CHCHD3: variants seen among roughly 807,000 people sequenced by gnomAD.
The protein encoded by CHCHD3 is MICOS complex subunit MIC19.
In CHCHD3, 20 loss-of-function variants were observed where a neutral mutation model predicts 38.2. The ratio of observed to expected loss-of-function variants is 0.52; its 90% CI spans 0.37 to 0.76. CHCHD3 has a LOEUF of 0.76. CHCHD3 is among the 30% of genes least tolerant of loss of function. CHCHD3 has a pLI of 0.00. For synonymous variants in CHCHD3, 82 were observed against 100.0 expected, an observed-to-expected ratio of 0.82 and a Z score of 1.07; for missense variants, 245 against 279.2, an observed-to-expected ratio of 0.88 and a Z score of 0.87.
At chr7:132,950,895 T>C (rs1243290668) in intron 4 of CHCHD3, among the ~76,000 whole-genome samples, 1 of 152,180 alleles carries the variant, frequency 6.6e-6, no homozygotes, top group African/African-American at 2.4e-5. Flanking sequence ...GTAGAAATTA[T>C]TTTGAAAAGA....
chr7:133,008,425 G>GAAAAAAAAAAAAAAAAAAAAAAA (rs988855864), intron 3 of CHCHD3, among the ~76,000 whole-genome samples: 1 of 74,086 alleles, frequency 1.3e-5, no homozygotes. Flanking sequence ...ATGCAGAAAA[G>GAAAAAAAAAAAAAAAAAAAAAAA]AAAAAAAAAA....
At position 132,785,496 on chromosome 7, in the gene CHCHD3, G is replaced by A; in HGVS notation, c.*141C>T. 4 of 806,876 alleles carry A rather than the reference G, an allele frequency of 5.0e-6. No homozygotes were observed. The highest frequency in any genetic ancestry group is 3.2e-5 in the South Asian group (2 of 62,060). The allele number at this position is 806,876 out of a possible 1,614,324, so 50.0% of individuals were successfully genotyped here. ...GCTGTTCAAAACGTGAAATGATTCT[G>A]CTGAATCCATTCTTGATGTCTCTCT... On this transcript the variant is annotated 3_prime_UTR_variant, in exon 8 of 8. Transcript: ENST00000262570.
intron 3 of CHCHD3, among the ~76,000 whole-genome samples, chr7:132,990,681 C>G (rs1421306): frequency 1.3e-5 from 2 of 151,960 alleles, no homozygotes; most frequent in Non-Finnish European, 2.9e-5. Context: ...TTCTTTTTCA[C>G]AAGGGACACG....
At chr7:132,953,729 C>T (rs1245934466) in intron 4 of CHCHD3, among the ~76,000 whole-genome samples, 1 of 152,144 alleles carries the variant, frequency 6.6e-6, no homozygotes, top group Non-Finnish European at 1.5e-5. Flanking sequence ...TCTGCCTCTC[C>T]CACCCCAAGG....
intron 4 of CHCHD3, among the ~76,000 whole-genome samples, chr7:132,895,741 G>A (rs555268757): frequency 1.3e-5 from 2 of 152,254 alleles, no homozygotes; most frequent in East Asian, 1.9e-4. Flanking sequence ...TTTGCCTTCC[G>A]CCATGATTGT....
chr7:133,072,484 CT>C (rs1814852890), intron 1 of CHCHD3, among the ~76,000 whole-genome samples: 1 of 152,020 alleles, frequency 6.6e-6, no homozygotes, highest in Non-Finnish European at 1.5e-5. Context: ...ATAACTGGCC[CT>C]GGATCAGATA....
chr7:132,902,528 T>C lies in CHCHD3; in HGVS notation c.370-16783A>G, dbSNP rs1334424682. 5.3e-5 allele frequency among the ~76,000 whole-genome samples: 8 copies of C among 152,268 alleles called. No individual in the cohort carries two copies. The South Asian group carries it at 1.2e-3, about 24-fold the overall frequency. On this transcript the variant is annotated intron_variant, in intron 4 of 7. Coordinates refer to ENST00000262570, the MANE Select transcript of CHCHD3 (RefSeq NM_017812.4). ...TTCATGTCCTTTGCTGGGACATGGA[T>C]GAAGCTGGAAACCATCATTCTCAGC...
At chr7:132,959,270 G>A (rs1194612961) in intron 4 of CHCHD3, among the ~76,000 whole-genome samples, 1 of 152,156 alleles carries the variant, frequency 6.6e-6, no homozygotes, top group Non-Finnish European at 1.5e-5. Flanking sequence ...CAAATCTAGA[G>A]AAACAGCCCC....
chr7:133,043,503 G>A (rs911713247), intron 2 of CHCHD3, among the ~76,000 whole-genome samples: 11 of 152,002 alleles, frequency 7.2e-5, no homozygotes, highest in South Asian at 2.1e-4. Context: ...TTAGCTGGGC[G>A]TGGTGGTGCA....
intron 4 of CHCHD3, among the ~76,000 whole-genome samples, chr7:132,951,917 C>G (rs1301452093): frequency 6.6e-6 from 1 of 152,150 alleles, no homozygotes; most frequent in Non-Finnish European, 1.5e-5. Context: ...GTCTCTAAAG[C>G]CAGTGCTCTC....
chr7:132,851,245 A>ATAATT (rs1219037731), intron 5 of CHCHD3, among the ~76,000 whole-genome samples: 17 of 152,318 alleles, frequency 1.1e-4, no homozygotes, highest in African/African-American at 3.8e-4. Context: ...CTGGGCATGT[A>ATAATT]TAATTTTTAT....
intron 4 of CHCHD3, among the ~76,000 whole-genome samples, chr7:132,938,679 C>T (rs1274961273): frequency 6.6e-6 from 1 of 152,118 alleles, no homozygotes; most frequent in African/African-American, 2.4e-5. Flanking sequence ...AGCCACAGTC[C>T]AAACTGACAG....
At chr7:132,848,712 T>C (rs1320190704) in intron 5 of CHCHD3, among the ~76,000 whole-genome samples, 1 of 152,220 alleles carries the variant, frequency 6.6e-6, no homozygotes, top group Non-Finnish European at 1.5e-5. Context: ...GTGTGTATAC[T>C]CTGAAGTCTG....
chr7:133,030,694 T>C (rs1813477062), intron 2 of CHCHD3, among the ~76,000 whole-genome samples: 1 of 152,200 alleles, frequency 6.6e-6, no homozygotes, highest in African/African-American at 2.4e-5. Context: ...TCCATACTTG[T>C]ATAGTCTGTA....
intron 5 of CHCHD3, among the ~76,000 whole-genome samples, chr7:132,878,426 T>C (rs1437169374): frequency 2.6e-5 from 4 of 152,196 alleles, no homozygotes; most frequent in Non-Finnish European, 5.9e-5. Flanking sequence ...ATAAAAGACA[T>C]GTCATCTGCC....
Position 132,927,330 on chromosome 7 carries a change from G to A in CHCHD3, c.370-41585C>T, listed in dbSNP as rs143947321. 6.5e-3 allele frequency among the ~76,000 whole-genome samples: 996 copies of A among 152,258 alleles called. 11 individuals carry two copies. The highest frequency in any genetic ancestry group is 0.022 in the African/African-American group (922 of 41,536). ...TCTTTGAATATACACACCAAGTCTC[G>A]GGAACCTCTGCATGCATTCCTAACT... On this transcript the variant is annotated intron_variant, in intron 4 of 7. Transcript: ENST00000262570.
chr7:132,961,846 T>C (rs1811329123), intron 4 of CHCHD3, among the ~76,000 whole-genome samples: 1 of 152,226 alleles, frequency 6.6e-6, no homozygotes, highest in African/African-American at 2.4e-5. Flanking sequence ...AGTTCAACTT[T>C]TCTAGATTCC....
intron 5 of CHCHD3, among the ~76,000 whole-genome samples, chr7:132,878,584 C>CT (rs1275255613): frequency 6.6e-6 from 1 of 152,164 alleles, no homozygotes; most frequent in African/African-American, 2.4e-5. Context: ...GTATTATTCT[C>CT]TTTTGCCCAG....
intron 6 of CHCHD3, among the ~76,000 whole-genome samples, chr7:132,837,943 A>G (rs1369326358): frequency 6.6e-6 from 1 of 152,196 alleles, no homozygotes; most frequent in Non-Finnish European, 1.5e-5. Flanking sequence ...GGTAAAGTCT[A>G]TGATTTAAAG....
Sources: allele counts gnomAD v4.1 joint callset (sites outside exome capture counted in the v4.1 genomes callset), GRCh38; gene constraint gnomAD v4.1.1; transcripts MANE v1.5; gene names NCBI Gene and HGNC (gene_info 2026-07-23, HGNC 2026-07-21).